NKAIN4: variants seen among roughly 807,000 people sequenced by gnomAD.
NKAIN4 encodes sodium/potassium-transporting ATPase subunit beta-1-interacting protein 4.
A neutral mutation model predicts 28.8 loss-of-function variants in NKAIN4; 28 were observed. The observed-to-expected ratio is 0.97, with a 90% CI of 0.72 to 1.33. The LOEUF is 1.33. NKAIN4 is among the 40% of genes most tolerant of loss of function. The probability of loss-of-function intolerance (pLI) is 0.00; values close to 1 mark genes in which losing one functional copy is unlikely to be tolerated. For missense variants in NKAIN4, 289 were observed against 277.2 expected (o/e 1.04, Z -0.30); for synonymous variants, 122 against 115.6 (o/e 1.06, Z -0.36).
rs538372688 is a variant in NKAIN4 at position 63,240,833 on chromosome 20, C to G, written c.*664G>C. 1 of 152,530 alleles carries G rather than the reference C, an allele frequency of 6.6e-6. No individual in the cohort carries two copies. Among genetic ancestry groups the G allele is most frequent in the Admixed American group, 6.5e-5 (1 of 15,322 alleles). The allele number at this position is 152,530 out of a possible 1,614,324, so 9.4% of individuals were successfully genotyped here. A position where few individuals can be genotyped will look rare whatever the true frequency, so the allele number is the denominator to read the frequency against. The stretch of plus-strand genomic sequence containing the variant: ...ACCAACTTGATGATACCTGGGGGAG[C>G]CTTTGGGACTGTTTGCCCAAGAGCC... On this transcript the variant is annotated 3_prime_UTR_variant, in exon 7 of 7. Coordinates refer to ENST00000370316, the MANE Select transcript of NKAIN4 (RefSeq NM_152864.4).
upstream of NKAIN4, chr20:63,254,504 C>G: frequency 8.3e-7 from 1 of 1,204,470 alleles, no homozygotes; most frequent in Non-Finnish European, 1.1e-6. Context: ...CCCCCGCCCC[C>G]GCTCCGCCCG....
At chr20:63,246,977 C>T (rs2066869963) in intron 4 of NKAIN4, 1 of 994,602 alleles carries the variant, frequency 1.0e-6, no homozygotes, top group South Asian at 4.5e-5. Context: ...CCGTGCAGGG[C>T]CGGAGAGGAC....
intron 5 of NKAIN4, 99 bp from the exon 6 acceptor site, chr20:63,242,722 C>T (rs935203211): frequency 1.4e-5 from 10 of 720,688 alleles, no homozygotes; most frequent in Non-Finnish European, 2.1e-5. Context: ...CCAAGGGGTC[C>T]CTGGGGGCAC....
intron 5 of NKAIN4, among the ~76,000 whole-genome samples, chr20:63,243,695 G>A (rs1438385805): frequency 6.6e-6 from 1 of 152,218 alleles, no homozygotes; most frequent in African/African-American, 2.4e-5. Context: ...CCTGGAGGCT[G>A]CAGCGGCCTG....
rs895355092 is a variant in NKAIN4, at chr20:63,250,056, C to T, written c.71G>A (p.Arg24Lys). The T allele has an allele frequency of 6.3e-7, 1 of 1,583,006 alleles. No individual in the cohort carries two copies. The highest frequency in any genetic ancestry group is 1.4e-5 in the African/African-American group (1 of 73,920). ...CAFQLVAALE[R>K]QVFDFLGYQW... ...GTAGCCCAGGAAGTCAAACACCTGC[C>T]TCTCCAGGGCGGCGACCTAGGAGCA... The change falls in exon 2 of 7, where the codon AGG (arginine) becomes AAG (lysine). Residue 24 changes from arginine to lysine, a missense_variant. Physicochemically the swap from Arg to Lys is conservative, Grantham distance 26. Coordinates refer to ENST00000370316, the MANE Select transcript of NKAIN4 (RefSeq NM_152864.4).
At chr20:63,253,169 C>A in intron 1 of NKAIN4, 1 of 981,138 alleles carries the variant, frequency 1.0e-6, no homozygotes, top group Non-Finnish European at 1.2e-6. Flanking sequence ...GCTTCCAGCC[C>A]CTCCCCACCA....
intron 1 of NKAIN4, chr20:63,253,117 C>T: frequency 2.8e-6 from 2 of 725,598 alleles, no homozygotes; most frequent in Non-Finnish European, 3.4e-6. Context: ...ATCCGACGGG[C>T]ACTGGAGTCT....
chr20:63,242,733 A>T, intron 5 of NKAIN4, 110 bp from the exon 6 acceptor site: 2 of 543,424 alleles, frequency 3.7e-6, no homozygotes. Flanking sequence ...CTGGGGGCAC[A>T]GACAGTGCCC....
At chr20:63,254,689 A>C, upstream of NKAIN4, 169 of 269,078 alleles carry the variant, frequency 6.3e-4, no homozygotes, top group Middle Eastern at 1.2e-3. Context: ...CCGTTCTTAA[A>C]GGGGCGATGG....
rs1437902652 is a variant in NKAIN4, at chr20:63,249,945, T to C, written c.182A>G (p.Tyr61Cys). ...LFGTIQYRLR[Y>C]VMVYTLWAAV... ...GGGCCCAGGACTCACCACCATGACA[T>C]AGCGCAGCCGGTACTGGATGGTGCC... Residue 61 changes from tyrosine (Y) to cysteine (C), a missense_variant, in exon 2 of 7, where the codon TAT becomes TGT. Tyr to Cys is a radical substitution (Grantham distance 194). Transcript: ENST00000370316. The C allele has an allele frequency of 2.5e-6, 4 of 1,613,178 alleles. No homozygotes were observed. Among genetic ancestry groups the C allele is most frequent in the Non-Finnish European group, 3.4e-6 (4 of 1,179,762 alleles).
intron 1 of NKAIN4, among the ~76,000 whole-genome samples, chr20:63,250,869 G>A (rs1019453953): frequency 1.3e-5 from 2 of 151,876 alleles, no homozygotes; most frequent in African/African-American, 2.4e-5. Flanking sequence ...GAGAAGAGAA[G>A]ATGCTGTGGA....
intron 2 of NKAIN4, 51 bp from the exon 3 acceptor site, chr20:63,248,946 C>A (rs766292991): frequency 7.9e-7 from 1 of 1,269,782 alleles, no homozygotes. Context: ...CCCGGGCACA[C>A]CTGCTTGCAT....
intron 5 of NKAIN4, among the ~76,000 whole-genome samples, 189 bp from the exon 6 acceptor site, chr20:63,242,812 C>T (rs2066782194): frequency 8.7e-6 from 1 of 114,294 alleles, no homozygotes; most frequent in Non-Finnish European, 1.8e-5. Flanking sequence ...CCCGGGTCCT[C>T]GGCCTGTGCG....
chr20:63,254,160 C>A lies in NKAIN4; in HGVS notation c.54+237G>T, dbSNP rs1037228491. On this transcript the variant is annotated intron_variant, in intron 1 of 6. Transcript: ENST00000370316. ...CGCACCTGTCCCCGCCGCTCCGGAC[C>A]CGCGGCCGCCCCCCGCGCACGCACA... is the stretch of plus-strand genomic sequence containing the variant. The A allele has an allele frequency of 2.6e-5, 11 of 426,854 alleles. No individual in the cohort carries two copies. In the East Asian group the frequency reaches 3.1e-4, roughly 12 times the overall value. The allele number at this position is 426,854 out of a possible 1,614,324, so 26.4% of individuals were successfully genotyped here. A position where few individuals can be genotyped will look rare whatever the true frequency, so the allele number is the denominator to read the frequency against.
intron 1 of NKAIN4, chr20:63,253,605 TC>T: frequency 2.5e-6 from 2 of 787,532 alleles, no homozygotes; most frequent in Non-Finnish European, 3.1e-6. Context: ...CAAAGCAGCT[TC>T]CCCAGCCTGG....
chr20:63,250,011 G>A lies in NKAIN4; in HGVS notation c.116C>T (p.Ala39Val). 1 of 1,610,190 alleles carries A rather than the reference G, an allele frequency of 6.2e-7. No individual in the cohort carries two copies. Among genetic ancestry groups the A allele is most frequent in the African/African-American group, 1.3e-5 (1 of 74,924 alleles). ...FLGYQWAPIL[A>V]NFVHIIIVIL... ...GACGATGATGATGTGGACAAAGTTG[G>A]CCAGGATGGGCGCCCACTGGTAGCC... The change falls in exon 2 of 7, where the codon GCC (alanine) becomes GTC (valine). Residue 39 changes from alanine to valine, a missense_variant. Transcript: ENST00000370316.
At chr20:63,244,678 G>A (rs2066824122) in intron 4 of NKAIN4, 1 of 394,916 alleles carries the variant, frequency 2.5e-6, no homozygotes, top group Admixed American at 2.7e-5. Flanking sequence ...GGGACTGGGA[G>A]TCCAGGGCAG....
At chr20:63,248,511 T>G in intron 3 of NKAIN4, 1 of 331,200 alleles carries the variant, frequency 3.0e-6, no homozygotes. Context: ...TGGTGTCCAT[T>G]CACCTGCAGA....
intron 5 of NKAIN4, among the ~76,000 whole-genome samples, chr20:63,243,656 G>A (rs193105414): frequency 6.6e-6 from 1 of 152,324 alleles, no homozygotes; most frequent in East Asian, 1.9e-4. Flanking sequence ...TGATGTGAGC[G>A]TCCTGGCCAT....
Sources: gnomAD v4.1 joint callset for allele counts (sites outside exome capture counted in the v4.1 genomes callset) on GRCh38, gnomAD v4.1.1 for gene constraint, MANE v1.5 for transcripts, NCBI Gene and HGNC (gene_info 2026-07-23, HGNC 2026-07-21) for gene names.